SPECC1: variants seen among roughly 807,000 people sequenced by gnomAD.
SPECC1 encodes the protein cytospin-B.
Under a neutral mutation model 104.1 loss-of-function variants are expected in SPECC1, and 62 were observed. That is an observed-to-expected ratio of 0.60 (90% CI 0.49 to 0.74). The LOEUF (loss-of-function observed/expected upper bound fraction) is 0.74, where lower values mean the gene tolerates loss of function less well. Ranked by LOEUF, SPECC1 falls within the 30% of genes least tolerant of loss-of-function variation. SPECC1 has a pLI of 0.00. For synonymous variants in SPECC1, 513 were observed against 501.6 expected (o/e 1.02, Z -0.30); for missense variants, 1,306 against 1,310.5 (o/e 1.00, Z 0.05).
intron 11 of SPECC1, among the ~76,000 whole-genome samples, chr17:20,259,818 C>T (rs914288530): frequency 1.3e-5 from 2 of 152,122 alleles, no homozygotes; most frequent in Non-Finnish European, 2.9e-5. Flanking sequence ...GCCAATCTAC[C>T]TTTTACATGT....
At chr17:20,017,643 C>T (rs530748522) in intron 1 of SPECC1, 3 of 152,322 alleles carry the variant, frequency 2.0e-5, no homozygotes, top group African/African-American at 7.2e-5. Context: ...ATGTACCTTC[C>T]AAAGTTTCTT....
At chr17:20,177,875 A>G (rs1485745421) in intron 3 of SPECC1, among the ~76,000 whole-genome samples, 1 of 136,466 alleles carries the variant, frequency 7.3e-6, no homozygotes, top group Non-Finnish European at 1.6e-5. Flanking sequence ...ACGCCCGGCT[A>G]ATTTTTGTAT....
At chr17:20,148,011 A>G (rs1439949808) in intron 3 of SPECC1, among the ~76,000 whole-genome samples, 2 of 152,158 alleles carry the variant, frequency 1.3e-5, no homozygotes, top group Non-Finnish European at 2.9e-5. Context: ...CACTGTATTC[A>G]AGCCTGGGCA....
intron 14 of SPECC1, among the ~76,000 whole-genome samples, chr17:20,307,982 CAA>C (rs1307496771): frequency 1.3e-5 from 2 of 152,098 alleles, no homozygotes; most frequent in Non-Finnish European, 2.9e-5. Flanking sequence ...AGGAAATTAT[CAA>C]AGACTAGAAG....
chr17:20,295,434 G>A (rs1257586401), intron 12 of SPECC1, among the ~76,000 whole-genome samples: 1 of 152,130 alleles, frequency 6.6e-6, no homozygotes, highest in African/African-American at 2.4e-5. Flanking sequence ...GGACATTTGG[G>A]TTGGTTCCAG....
At chr17:20,179,785 G>A (rs2034739610) in intron 3 of SPECC1, among the ~76,000 whole-genome samples, 2 of 152,194 alleles carry the variant, frequency 1.3e-5, no homozygotes, top group Non-Finnish European at 2.9e-5. Context: ...ATAAGTAACA[G>A]TAGAGAGCAG....
At chr17:20,121,368 T>G (rs114382219) in intron 3 of SPECC1, among the ~76,000 whole-genome samples, 7,450 of 136,612 alleles carry the variant, frequency 0.055, 264 homozygotes, top group Non-Finnish European at 0.08. Context: ...AATTCTTTTT[T>G]TTGTTGTTGT....
intron 14 of SPECC1, among the ~76,000 whole-genome samples, chr17:20,310,858 G>T (rs8068720): frequency 0.71 from 107,656 of 152,052 alleles, 39,913 homozygotes; most frequent in East Asian, 0.99. Context: ...CAAGCATTTT[G>T]TTTTTCATAT....
intron 3 of SPECC1, among the ~76,000 whole-genome samples, chr17:20,119,558 A>C (rs2048926701): frequency 6.6e-6 from 1 of 152,240 alleles, no homozygotes; most frequent in Non-Finnish European, 1.5e-5. Context: ...AAATGTCAGT[A>C]GTCCTCAACA....
intron 1 of SPECC1, among the ~76,000 whole-genome samples, chr17:20,046,034 C>A (rs948282960): frequency 1.9e-4 from 29 of 150,738 alleles, no homozygotes; most frequent in African/African-American, 6.6e-4. Context: ...AAACCATTAG[C>A]ATAGTAATAT....
At chr17:20,274,048 A>G (rs1181635704) in intron 12 of SPECC1, among the ~76,000 whole-genome samples, 3 of 152,180 alleles carry the variant, frequency 2.0e-5, no homozygotes. Flanking sequence ...TAGAGGTTCC[A>G]AGTACCCTTT....
intron 1 of SPECC1, among the ~76,000 whole-genome samples, chr17:20,042,890 A>G (rs2045390513): frequency 6.6e-6 from 1 of 152,128 alleles, no homozygotes. Context: ...TTCCCCTTCC[A>G]GAACCTTCTT....
chr17:20,247,464 C>T, intron 9 of SPECC1, 145 bp downstream of exon 9: 1 of 514,246 alleles, frequency 1.9e-6, no homozygotes. Flanking sequence ...TGCATTATTC[C>T]AATACTTATT....
At chr17:20,116,495 A>G (rs757934914) in intron 3 of SPECC1, among the ~76,000 whole-genome samples, 2 of 31,456 alleles carry the variant, frequency 6.4e-5, no homozygotes, top group Non-Finnish European at 1.8e-4. Flanking sequence ...GAGCATCTAT[A>G]AAAAAAATCT....
intron 4 of SPECC1, among the ~76,000 whole-genome samples, chr17:20,218,129 C>T (rs1454543731): frequency 1.3e-5 from 2 of 152,182 alleles, no homozygotes; most frequent in Non-Finnish European, 2.9e-5. Context: ...TGTGATTTTT[C>T]TTGGTCAAAC....
chr17:20,235,409 A>G (rs1444581793), intron 7 of SPECC1, among the ~76,000 whole-genome samples: 4 of 152,200 alleles, frequency 2.6e-5, no homozygotes, highest in African/African-American at 7.2e-5. Context: ...TTTGAAAACT[A>G]CCAATTGAGA....
intron 14 of SPECC1, among the ~76,000 whole-genome samples, chr17:20,311,482 C>T (rs1177508612): frequency 6.6e-6 from 1 of 152,066 alleles, no homozygotes; most frequent in African/African-American, 2.4e-5. Flanking sequence ...CCTCTGCCTC[C>T]TGGGTTCAAG....
At chr17:20,268,654 T>C (rs1384245274) in intron 12 of SPECC1, among the ~76,000 whole-genome samples, 2 of 152,232 alleles carry the variant, frequency 1.3e-5, no homozygotes, top group African/African-American at 4.8e-5. Flanking sequence ...TCTACCCACT[T>C]TCTCTGCTTC....
intron 1 of SPECC1, among the ~76,000 whole-genome samples, chr17:20,082,854 A>G (rs2047027550): frequency 6.6e-6 from 1 of 152,036 alleles, no homozygotes; most frequent in African/African-American, 2.4e-5. Flanking sequence ...GCCCATGACT[A>G]GAGTCTCAGT....
Sources: gnomAD v4.1 joint callset for allele counts (sites outside exome capture counted in the v4.1 genomes callset) on GRCh38, gnomAD v4.1.1 for gene constraint, MANE v1.5 for transcripts, NCBI Gene and HGNC (gene_info 2026-07-23, HGNC 2026-07-21) for gene names.